The following GRID2 variants were observed in gnomAD, a reference collection of about 807,000 sequenced individuals.
The protein encoded by GRID2 is glutamate ionotropic receptor delta type subunit 2, also known as glutamate receptor ionotropic, delta-2.
Under a neutral mutation model 114.8 loss-of-function variants are expected in GRID2, and 33 were observed. That is an observed-to-expected ratio of 0.29 (90% CI 0.22 to 0.38). The LOEUF (loss-of-function observed/expected upper bound fraction) is 0.38. Among genes scored for constraint, GRID2 ranks in the 10% least tolerant of loss-of-function variants. The probability of loss-of-function intolerance (pLI) is 1.00; values close to 1 mark genes in which losing one functional copy is unlikely to be tolerated. For missense variants in GRID2, 1,184 were observed against 1,257.7 expected (o/e 0.94, Z 0.89); for synonymous variants, 505 against 449.9 (o/e 1.12, Z -1.55).
chr4:93,637,484 G>A (rs1721516337), intron 14 of GRID2, among the ~76,000 whole-genome samples: 1 of 152,132 alleles, frequency 6.6e-6, no homozygotes, highest in African/African-American at 2.4e-5. Flanking sequence ...TGCTGGAAAA[G>A]GATAATAAGG....
intron 7 of GRID2, among the ~76,000 whole-genome samples, chr4:93,233,713 G>C (rs1008819217): frequency 3.9e-5 from 6 of 152,072 alleles, no homozygotes; most frequent in Admixed American, 2.0e-4. Context: ...AGAGAATTCT[G>C]CAACTGCCAT....
chr4:92,739,645 A>G (rs977927121), intron 2 of GRID2, among the ~76,000 whole-genome samples: 21 of 152,184 alleles, frequency 1.4e-4, no homozygotes, highest in African/African-American at 4.6e-4. Context: ...TCAGTTTACC[A>G]TGATTTCCTT....
intron 2 of GRID2, among the ~76,000 whole-genome samples, chr4:92,847,798 A>G (rs1301732425): frequency 1.3e-5 from 2 of 152,062 alleles, no homozygotes; most frequent in Non-Finnish European, 2.9e-5. Flanking sequence ...TAAGTGGCAA[A>G]CGAACAAATC....
intron 1 of GRID2, among the ~76,000 whole-genome samples, chr4:92,423,099 T>C (rs1392960569): frequency 6.6e-6 from 1 of 152,104 alleles, no homozygotes; most frequent in African/African-American, 2.4e-5. Flanking sequence ...GAGTAGATTC[T>C]AGCGAGCCAA....
At chr4:92,873,931 C>T (rs952713392) in intron 2 of GRID2, among the ~76,000 whole-genome samples, 6 of 152,092 alleles carry the variant, frequency 3.9e-5, no homozygotes, top group Admixed American at 3.3e-4. Context: ...TCAGGCTGGT[C>T]TCGAACACCT....
At chr4:93,475,861 C>T (rs921730545) in intron 11 of GRID2, among the ~76,000 whole-genome samples, 67 of 152,182 alleles carry the variant, frequency 4.4e-4, no homozygotes, top group African/African-American at 1.5e-3. Context: ...TTAGGCCTCA[C>T]TATAATTATT....
rs142280991 is a variant in GRID2, at chr4:93,159,347, A to G, written c.736-48057A>G. Among the ~76,000 whole-genome samples, 518 of 152,000 alleles carry G rather than the reference A, an allele frequency of 3.4e-3. 5 individuals are homozygous for G. Among genetic ancestry groups the G allele is most frequent in the African/African-American group, 0.011 (454 of 41,524 alleles). On this transcript the variant is annotated intron_variant, in intron 4 of 15. Transcript: ENST00000282020. ...GGACTATCTGTAGAAGCTAAGAATC[A>G]TAGTGCTGAGAAAAGCAACATAAGA...
At chr4:93,084,730 C>T (rs1433172905) in intron 2 of GRID2, among the ~76,000 whole-genome samples, 1 of 152,174 alleles carries the variant, frequency 6.6e-6, no homozygotes, top group African/African-American at 2.4e-5. Flanking sequence ...GAGATTCATG[C>T]TATTTTACCC....
chr4:92,702,871 C>A (rs190083257), intron 2 of GRID2, among the ~76,000 whole-genome samples: 17 of 152,118 alleles, frequency 1.1e-4, no homozygotes, highest in Admixed American at 2.0e-4. Flanking sequence ...TTCTAGTCAT[C>A]TAAAATTCAA....
intron 8 of GRID2, among the ~76,000 whole-genome samples, chr4:93,344,583 G>T (rs1050870561): frequency 2.7e-5 from 4 of 149,476 alleles, no homozygotes; most frequent in Non-Finnish European, 5.9e-5. Context: ...GCATTGGAGA[G>T]CTTAAATCAG....
intron 14 of GRID2, among the ~76,000 whole-genome samples, chr4:93,736,566 G>A (rs1352391754): frequency 6.6e-6 from 1 of 151,978 alleles, no homozygotes; most frequent in Non-Finnish European, 1.5e-5. Flanking sequence ...TCAGGTTGAT[G>A]TACCTATATT....
At chr4:92,486,547 TCACACACACACACACACACACACA>T (rs72216440) in intron 1 of GRID2, among the ~76,000 whole-genome samples, 1 of 137,074 alleles carries the variant, frequency 7.3e-6, no homozygotes, top group East Asian at 2.1e-4. Context: ...TCTCTCTCTT[TCACACACACACACACACACACACA>T]CACACACACA....
chr4:93,000,996 A>T lies in GRID2; in HGVS notation c.245-83999A>T, dbSNP rs575509865. ...AGAAGCAAAAAAGTAATAAGTAGAT[A>T]AATAAAATAAATAGCAGTATTTCAT... On this transcript the variant is annotated intron_variant, in intron 2 of 15. Transcript: ENST00000282020. Among the ~76,000 whole-genome samples the T allele has an allele frequency of 2.0e-5, 3 of 151,772 alleles. 1 individual carries two copies. In the South Asian group the frequency reaches 6.2e-4, roughly 31 times the overall value.
At chr4:93,629,560 G>C (rs1415105663) in intron 14 of GRID2, among the ~76,000 whole-genome samples, 1 of 152,018 alleles carries the variant, frequency 6.6e-6, no homozygotes, top group Non-Finnish European at 1.5e-5. Context: ...AAATTATAAA[G>C]ATCATCAAAT....
At chr4:92,692,091 A>G (rs562511830) in intron 2 of GRID2, among the ~76,000 whole-genome samples, 1 of 152,302 alleles carries the variant, frequency 6.6e-6, no homozygotes, top group Non-Finnish European at 1.5e-5. Flanking sequence ...AATATATTAG[A>G]GCCCCCTACC....
At chr4:93,066,285 T>C (rs1229182859) in intron 2 of GRID2, among the ~76,000 whole-genome samples, 1 of 152,026 alleles carries the variant, frequency 6.6e-6, no homozygotes, top group African/African-American at 2.4e-5. Flanking sequence ...GTAATTTCAC[T>C]ACATCTGTTC....
chr4:93,021,745 AT>A (rs1358862744), intron 2 of GRID2, among the ~76,000 whole-genome samples: 2 of 145,564 alleles, frequency 1.4e-5, no homozygotes, highest in Non-Finnish European at 1.5e-5. Flanking sequence ...GAATATTATA[AT>A]TATTTATAAT....
At chr4:92,323,372 G>A (rs1248674990) in intron 1 of GRID2, among the ~76,000 whole-genome samples, 3 of 152,000 alleles carry the variant, frequency 2.0e-5, no homozygotes, top group Non-Finnish European at 2.9e-5. Context: ...TAGATACCAT[G>A]TTATCTAATT....
At chr4:93,088,188 T>C (rs1730487899) in intron 3 of GRID2, among the ~76,000 whole-genome samples, 1 of 152,140 alleles carries the variant, frequency 6.6e-6, no homozygotes, top group Non-Finnish European at 1.5e-5. Flanking sequence ...TTAAATTCCT[T>C]AACAAAGAAA....
Sources: gnomAD v4.1 joint callset for allele counts (sites outside exome capture counted in the v4.1 genomes callset) on GRCh38, gnomAD v4.1.1 for gene constraint, MANE v1.5 for transcripts, NCBI Gene and HGNC (gene_info 2026-07-23, HGNC 2026-07-21) for gene names.